Variants in ATP13A3 observed in about 807,000 individuals in gnomAD.
ATP13A3 encodes the protein polyamine-transporting ATPase 13A3.
Under a neutral mutation model 158.1 loss-of-function variants are expected in ATP13A3, and 59 were observed. The observed-to-expected ratio is 0.37, with a 90% CI of 0.30 to 0.46. ATP13A3 has a LOEUF of 0.46. ATP13A3 is among the 20% of genes least tolerant of loss of function. ATP13A3 has a pLI of 1.00. For missense variants in ATP13A3, 1,166 were observed against 1,525.2 expected, an observed-to-expected ratio of 0.76 and a Z score of 3.92; for synonymous variants, 491 against 504.3, an observed-to-expected ratio of 0.97 and a Z score of 0.35.
rs752931048 is a variant in ATP13A3, at chr3:194,437,298, G to A, written c.1999+13C>T. The A allele has an allele frequency of 3.1e-6, 5 of 1,614,176 alleles. No individual in the cohort carries two copies. Among genetic ancestry groups the A allele is most frequent in the Non-Finnish European group, 4.2e-6 (5 of 1,180,030 alleles). On this transcript the variant is annotated intron_variant, in intron 19 of 33. Coordinates refer to ENST00000645319, the MANE Select transcript of ATP13A3 (RefSeq NM_001367549.1). The stretch of plus-strand genomic sequence containing the variant: ...ATACCAGAATTGTACCCAAAGCATA[G>A]ATATTTCCTTACCTGTTTCAGGTTT...
intron 24 of ATP13A3, among the ~76,000 whole-genome samples, chr3:194,430,523 C>T (rs1310640845): frequency 2.0e-5 from 3 of 152,158 alleles, no homozygotes; most frequent in Admixed American, 2.0e-4. Flanking sequence ...AGGTTATTGT[C>T]CTATTTCTGT....
At chr3:194,467,062 T>A (rs1720037038) in intron 2 of ATP13A3, among the ~76,000 whole-genome samples, 1 of 152,216 alleles carries the variant, frequency 6.6e-6, no homozygotes, top group South Asian at 2.1e-4. Context: ...CACCCTTGTC[T>A]TTCATCAATT....
At chr3:194,417,515 A>G (rs1283405893) in intron 31 of ATP13A3, among the ~76,000 whole-genome samples, 1 of 151,850 alleles carries the variant, frequency 6.6e-6, no homozygotes, top group East Asian at 1.9e-4. Flanking sequence ...AGAGGGGGGT[A>G]GGAGTCCTAC....
At chr3:194,444,670 C>A in intron 15 of ATP13A3, 55 bp downstream of exon 15, 2 of 1,423,342 alleles carry the variant, frequency 1.4e-6, no homozygotes, top group South Asian at 2.6e-5. Context: ...GAATGTTGCA[C>A]ATGTTAAAAT....
At chr3:194,463,376 A>C (rs1221063677) in intron 2 of ATP13A3, among the ~76,000 whole-genome samples, 2 of 151,728 alleles carry the variant, frequency 1.3e-5, no homozygotes, top group African/African-American at 4.8e-5. Flanking sequence ...CCAGTTTTCT[A>C]ACTTTTTGTT....
intron 32 of ATP13A3, among the ~76,000 whole-genome samples, chr3:194,413,298 G>T (rs543327712): frequency 6.6e-6 from 1 of 152,262 alleles, no homozygotes; most frequent in South Asian, 2.1e-4. Flanking sequence ...AGTCCATAAC[G>T]ATTATTATTT....
chr3:194,445,161 C>G (rs377462571), intron 14 of ATP13A3, among the ~76,000 whole-genome samples: 1 of 152,022 alleles, frequency 6.6e-6, no homozygotes, highest in East Asian at 1.9e-4. Flanking sequence ...TAAGGAGGGC[C>G]AAGAGGAACA....
At chr3:194,412,095 G>A (rs751793128) in intron 33 of ATP13A3, 104 bp downstream of exon 33, 18 of 899,192 alleles carry the variant, frequency 2.0e-5, no homozygotes, top group African/African-American at 3.3e-5. Flanking sequence ...GAACACGCTA[G>A]AGAATAACAC....
chr3:194,457,347 A>G lies in ATP13A3; in HGVS notation c.480-173T>C, dbSNP rs570973337. On this transcript the variant is annotated intron_variant, in intron 6 of 33. Transcript: ENST00000645319. ...AGAATTTTTAAATCTCAAATTCTTAAGATAAACAATGACAAATCTAAGTCT... is the reference window on the plus strand; with the variant it reads ...AGAATTTTTAAATCTCAAATTCTTAGGATAAACAATGACAAATCTAAGTCT... Among the ~76,000 whole-genome samples, 6 of 152,322 alleles carry G rather than the reference A, an allele frequency of 3.9e-5. No homozygotes were observed. The South Asian group carries it at 1.2e-3, about 32-fold the overall frequency.
At chr3:194,449,297 C>T (rs143793305) in intron 11 of ATP13A3, among the ~76,000 whole-genome samples, 5 of 152,020 alleles carry the variant, frequency 3.3e-5, no homozygotes, top group African/African-American at 7.2e-5. Context: ...TTTTAAGACA[C>T]GACTCTTAAC....
At chr3:194,460,912 T>C in intron 3 of ATP13A3, 81 bp from the exon 4 acceptor site, 1 of 1,398,022 alleles carries the variant, frequency 7.2e-7, no homozygotes, top group Admixed American at 2.2e-5. Context: ...AAGTTCTTTG[T>C]TTTCCAGATA....
chr3:194,410,331 A>AAAAAAT (rs869283016), intron 33 of ATP13A3, among the ~76,000 whole-genome samples: 3 of 132,942 alleles, frequency 2.3e-5, no homozygotes, highest in African/African-American at 5.7e-5. Context: ...AAAAAAAAAA[A>AAAAAAT]CTGCTGGGCC....
intron 24 of ATP13A3, 131 bp downstream of exon 24, chr3:194,430,812 T>A: frequency 1.5e-6 from 1 of 652,276 alleles, no homozygotes; most frequent in Non-Finnish European, 2.3e-6. Context: ...TTCTGAACTA[T>A]CTTATAGATC....
chr3:194,445,498 T>C (rs1463517215), intron 14 of ATP13A3, among the ~76,000 whole-genome samples: 1 of 152,172 alleles, frequency 6.6e-6, no homozygotes, highest in Admixed American at 6.5e-5. Context: ...AATGAGCAGA[T>C]AGATAAAATA....
intron 33 of ATP13A3, among the ~76,000 whole-genome samples, chr3:194,411,811 T>C (rs1313665832): frequency 6.6e-6 from 1 of 152,198 alleles, no homozygotes; most frequent in Non-Finnish European, 1.5e-5. Flanking sequence ...TTGCAAACTT[T>C]GTTTATATAA....
At chr3:194,477,544 C>A (rs1720578131) in intron 2 of ATP13A3, among the ~76,000 whole-genome samples, 1 of 152,230 alleles carries the variant, frequency 6.6e-6, no homozygotes, top group African/African-American at 2.4e-5. Context: ...ACAACCTCCA[C>A]CACAGCACTA....
rs568108725 is a variant in ATP13A3 at position 194,454,699 on chromosome 3, G to C, written c.631-307C>G. Among the ~76,000 whole-genome samples the C allele has an allele frequency of 2.5e-4, 38 of 152,040 alleles. 1 individual carries two copies. Among genetic ancestry groups the C allele is most frequent in the Non-Finnish European group, 4.6e-4 (31 of 67,984 alleles). ...AAAAAGTTAGCTGGGCATGGTGGCAGGCGCCTGTAGTCCCAGCTACTCAGG... is the reference window on the plus strand; with the variant it reads ...AAAAAGTTAGCTGGGCATGGTGGCACGCGCCTGTAGTCCCAGCTACTCAGG... On this transcript the variant is annotated intron_variant, in intron 8 of 33. Transcript: ENST00000645319.
chr3:194,488,198 C>T (rs1577101783), upstream of ATP13A3: 1 of 152,148 alleles, frequency 6.6e-6, no homozygotes, highest in African/African-American at 2.4e-5. The surrounding 1 kb of genome is among the most constrained non-coding windows in gnomAD (Gnocchi z 4.1). Context: ...CATACCTCAC[C>T]GTTTGTTTCA....
intron 2 of ATP13A3, among the ~76,000 whole-genome samples, chr3:194,474,475 T>A (rs534765784): frequency 1.3e-3 from 198 of 152,316 alleles, no homozygotes; most frequent in Non-Finnish European, 1.6e-3. Flanking sequence ...GCATGGGCAC[T>A]TAATATAATA....
Sources: gnomAD v4.1 joint callset for allele counts (sites outside exome capture counted in the v4.1 genomes callset) on GRCh38, gnomAD v4.1.1 for gene constraint, Gnocchi (gnomAD v3.1) non-coding constraint, MANE v1.5 for transcripts, NCBI Gene and HGNC (gene_info 2026-07-23, HGNC 2026-07-21) for gene names.